Variants in ATR observed in about 807,000 individuals in gnomAD.
ATR encodes serine/threonine-protein kinase ATR.
Under a neutral mutation model 305.3 loss-of-function variants are expected in ATR, and 142 were observed. The observed-to-expected ratio is 0.47, with a 90% confidence interval of 0.41 to 0.53. The LOEUF (loss-of-function observed/expected upper bound fraction) is 0.53. Among genes scored for constraint, ATR ranks in the 20% least tolerant of loss-of-function variants. The pLI is 0.00. For synonymous variants in ATR, 1,050 were observed against 1,068.1 expected (o/e 0.98, Z 0.33); for missense variants, 2,135 against 3,133.1 (o/e 0.68, Z 7.60).
intron 24 of ATR, among the ~76,000 whole-genome samples, chr3:142,517,757 G>A (rs781408772): frequency 1.3e-5 from 2 of 152,158 alleles, no homozygotes; most frequent in Non-Finnish European, 2.9e-5. Context: ...AACATGACAA[G>A]TAGGCAGAAA....
At chr3:142,576,588 T>A (rs1011955863) in intron 1 of ATR, among the ~76,000 whole-genome samples, 3 of 152,200 alleles carry the variant, frequency 2.0e-5, no homozygotes, top group Non-Finnish European at 4.4e-5. Context: ...GAAAAATAAT[T>A]TTTTTAATTT....
At chr3:142,540,705 A>G (rs762680408) in intron 18 of ATR, among the ~76,000 whole-genome samples, 199 bp downstream of exon 18, 16 of 152,164 alleles carry the variant, frequency 1.1e-4, no homozygotes, top group Non-Finnish European at 1.9e-4. Flanking sequence ...TAACTCTTCT[A>G]TTTCCCAGTA....
intron 42 of ATR, among the ~76,000 whole-genome samples, chr3:142,459,641 A>AT (rs904008837): frequency 2.6e-5 from 4 of 152,082 alleles, no homozygotes; most frequent in African/African-American, 4.8e-5. Context: ...CTTACATGTG[A>AT]TTTTTTTCAA....
chr3:142,471,473 C>T (rs568068300), intron 36 of ATR, among the ~76,000 whole-genome samples: 1 of 152,128 alleles, frequency 6.6e-6, no homozygotes, highest in Non-Finnish European at 1.5e-5. Flanking sequence ...ATTGCATTTA[C>T]CATTCTACAA....
At chr3:142,518,674 C>A (rs1431110928) in intron 24 of ATR, among the ~76,000 whole-genome samples, 2 of 151,836 alleles carry the variant, frequency 1.3e-5, no homozygotes, top group Non-Finnish European at 2.9e-5. Context: ...ATATGCATAC[C>A]TCTGGGCTTT....
intron 5 of ATR, 56 bp from the exon 6 acceptor site, chr3:142,560,510 A>G: frequency 6.7e-7 from 1 of 1,501,260 alleles, no homozygotes; most frequent in Non-Finnish European, 9.2e-7. Context: ...TTTGGTTAAA[A>G]CATGAAACAT....
chr3:142,520,336 C>T lies in ATR; in HGVS notation c.4267-552G>A, dbSNP rs59676009. On this transcript the variant is annotated intron_variant, in intron 23 of 46. Coordinates refer to ENST00000350721, the MANE Select transcript of ATR (RefSeq NM_001184.4). ...TAAGTATACATATGAAAGGAGGAAT[C>T]GCACATCTCTCACTTTAAATCAAAA... Among the ~76,000 whole-genome samples the T allele has an allele frequency of 8.9e-3, 1,350 of 152,140 alleles. 21 individuals carry two copies. The highest frequency in any genetic ancestry group is 0.031 in the African/African-American group (1,277 of 41,498).
chr3:142,482,447 T>C (rs1167715294), intron 36 of ATR, among the ~76,000 whole-genome samples: 1 of 152,216 alleles, frequency 6.6e-6, no homozygotes, highest in African/African-American at 2.4e-5. Context: ...CCACTTGTTT[T>C]AAAAGAAATG....
At chr3:142,564,864 G>A (rs1022632608) in intron 3 of ATR, among the ~76,000 whole-genome samples, 1 of 151,950 alleles carries the variant, frequency 6.6e-6, no homozygotes, top group African/African-American at 2.4e-5. Flanking sequence ...CAATTAGTGT[G>A]CCTCAGCCTT....
intron 23 of ATR, among the ~76,000 whole-genome samples, chr3:142,520,765 G>A (rs766701534): frequency 5.3e-5 from 8 of 151,850 alleles, no homozygotes; most frequent in Non-Finnish European, 8.8e-5. Context: ...GTTGCTTCAT[G>A]AGGTTTAAGG....
Position 142,572,254 on chromosome 3 carries a change from A to G in ATR, c.60-4100T>C, listed in dbSNP as rs374880188. Among the ~76,000 whole-genome samples, 12 of 149,984 alleles carry G rather than the reference A, an allele frequency of 8.0e-5. No individual in the cohort carries two copies. The East Asian group carries it at 2.0e-3, about 25-fold the overall frequency. ...CCGGCTAATTTTTTGTATTTTTAGT[A>G]GAGACGGGGTTGCACCATGTTAGCC... On this transcript the variant is annotated intron_variant, in intron 1 of 46. Transcript: ENST00000350721.
At chr3:142,451,471 G>T in intron 46 of ATR, 3 of 1,488,398 alleles carry the variant, frequency 2.0e-6, no homozygotes, top group Non-Finnish European at 9.0e-7. Flanking sequence ...GGTCTGGCTT[G>T]CCCAGACATC....
chr3:142,543,301 C>T (rs1291092867), intron 16 of ATR, among the ~76,000 whole-genome samples: 1 of 152,122 alleles, frequency 6.6e-6, no homozygotes, highest in Non-Finnish European at 1.5e-5. Context: ...TCATCCATGA[C>T]GCTTTAGGTT....
At chr3:142,522,329 G>A (rs1387311655) in intron 23 of ATR, among the ~76,000 whole-genome samples, 1 of 152,156 alleles carries the variant, frequency 6.6e-6, no homozygotes, top group African/African-American at 2.4e-5. Context: ...TTGCTTTATA[G>A]AGATACTTGC....
chr3:142,569,093 C>T (rs939977818), intron 1 of ATR, among the ~76,000 whole-genome samples: 1 of 152,148 alleles, frequency 6.6e-6, no homozygotes, highest in East Asian at 1.9e-4. Context: ...CGGACCACAG[C>T]GAGAACTTAG....
Position 142,449,337 on chromosome 3 carries a change from G to A in ATR, c.*92C>T. The A allele has an allele frequency of 8.2e-7, 1 of 1,219,454 alleles. No individual in the cohort carries two copies. Among genetic ancestry groups the A allele is most frequent in the Non-Finnish European group, 1.2e-6 (1 of 840,586 alleles). The allele number at this position is 1,219,454 out of a possible 1,614,324, so 75.5% of individuals were successfully genotyped here. A position where few individuals can be genotyped will look rare whatever the true frequency, so the allele number is the denominator to read the frequency against. On this transcript the variant is annotated 3_prime_UTR_variant, in exon 47 of 47. Transcript: ENST00000350721. ...ACAGTTGCTGAGAACGTAAATTTATGTTGTACTTTAGAATTGAACAGATAC... is the reference window on the plus strand; with the variant it reads ...ACAGTTGCTGAGAACGTAAATTTATATTGTACTTTAGAATTGAACAGATAC...
At chr3:142,546,543 G>A (rs1487990628) in intron 16 of ATR, among the ~76,000 whole-genome samples, 3 of 151,936 alleles carry the variant, frequency 2.0e-5, no homozygotes, top group Non-Finnish European at 2.9e-5. Context: ...TAAAGAAAAA[G>A]ATCAAAGAAG....
intron 41 of ATR, among the ~76,000 whole-genome samples, chr3:142,463,170 C>T (rs1264549481): frequency 6.6e-6 from 1 of 151,980 alleles, no homozygotes; most frequent in East Asian, 1.9e-4. Context: ...ATGTTACTAA[C>T]TAAGTTAGTA....
chr3:142,457,145 T>G (rs1402204820), intron 45 of ATR, among the ~76,000 whole-genome samples: 2 of 152,144 alleles, frequency 1.3e-5, no homozygotes, highest in African/African-American at 4.8e-5. Flanking sequence ...TACTGATACA[T>G]GATGAACACT....
Sources: gnomAD v4.1 joint callset for allele counts (sites outside exome capture counted in the v4.1 genomes callset) on GRCh38, gnomAD v4.1.1 for gene constraint, MANE v1.5 for transcripts, NCBI Gene and HGNC (gene_info 2026-07-23, HGNC 2026-07-21) for gene names.